KCNH5: variants seen among roughly 807,000 people sequenced by gnomAD.
KCNH5 encodes the protein voltage-gated delayed rectifier potassium channel KCNH5.
A neutral mutation model predicts 96.1 loss-of-function variants in KCNH5; 46 were observed. The observed-to-expected ratio is 0.48, with a 90% CI of 0.38 to 0.61. The LOEUF is 0.61. Ranked by LOEUF, KCNH5 falls within the 20% of genes least tolerant of loss-of-function variation. The probability of loss-of-function intolerance (pLI) is 0.00; values close to 1 mark genes in which losing one functional copy is unlikely to be tolerated. For synonymous variants in KCNH5, 439 were observed against 449.8 expected (o/e 0.98, Z 0.30); for missense variants, 907 against 1,225.8 (o/e 0.74, Z 3.88).
intron 6 of KCNH5, among the ~76,000 whole-genome samples, chr14:62,974,113 T>C (rs1200436191): frequency 1.3e-5 from 2 of 152,236 alleles, no homozygotes; most frequent in South Asian, 4.1e-4. Context: ...AAATTAAAAG[T>C]ATTTATATAC....
intron 10 of KCNH5, among the ~76,000 whole-genome samples, chr14:62,764,387 C>A (rs1372766969): frequency 6.6e-6 from 1 of 152,054 alleles, no homozygotes; most frequent in Non-Finnish European, 1.5e-5. Flanking sequence ...ATAATAAGAG[C>A]CACTTATGAC....
chr14:62,834,101 C>T (rs900245996), intron 8 of KCNH5, among the ~76,000 whole-genome samples: 6 of 152,120 alleles, frequency 3.9e-5, no homozygotes, highest in Non-Finnish European at 7.4e-5. Flanking sequence ...CATTTTCTCT[C>T]GTGGCTTTTA....
chr14:62,831,206 C>T (rs1404766981), intron 8 of KCNH5, among the ~76,000 whole-genome samples: 1 of 152,134 alleles, frequency 6.6e-6, no homozygotes, highest in Non-Finnish European at 1.5e-5. Flanking sequence ...GTGTAATTTC[C>T]TCATGACTCT....
intron 10 of KCNH5, among the ~76,000 whole-genome samples, chr14:62,752,688 C>A (rs956379209): frequency 6.6e-6 from 1 of 152,188 alleles, no homozygotes; most frequent in Non-Finnish European, 1.5e-5. Flanking sequence ...ATGGAGGGAC[C>A]TGGTGGGAGG....
intron 1 of KCNH5, among the ~76,000 whole-genome samples, chr14:63,018,885 A>G (rs1192053416): frequency 6.6e-6 from 1 of 152,078 alleles, no homozygotes; most frequent in African/African-American, 2.4e-5. Context: ...TAGGCAGTAG[A>G]AAAAGAAGTC....
At chr14:62,939,909 C>T (rs890575297) in intron 7 of KCNH5, among the ~76,000 whole-genome samples, 3 of 152,002 alleles carry the variant, frequency 2.0e-5, no homozygotes, top group Non-Finnish European at 1.5e-5. Flanking sequence ...CATTGCACTA[C>T]AGTCTGGGTG....
chr14:62,814,425 C>G (rs528981778), intron 8 of KCNH5, among the ~76,000 whole-genome samples: 1 of 152,136 alleles, frequency 6.6e-6, no homozygotes, highest in African/African-American at 2.4e-5. Flanking sequence ...CTTTTACATA[C>G]CTGTGAAAGT....
At position 62,762,150 on chromosome 14, in the gene KCNH5, T is replaced by C. The variant is rs1885764656; in HGVS notation, c.2019+17578A>G. ...TGAGCAGAGCCCAGAGAGTTTGGCT[T>C]GGGAAAGTCAGAGAATGGCTGGGGA... On this transcript the variant is annotated intron_variant, in intron 10 of 10. Coordinates refer to ENST00000322893, the MANE Select transcript of KCNH5 (RefSeq NM_139318.5). 4.0e-5 allele frequency among the ~76,000 whole-genome samples: 6 copies of C among 151,802 alleles called. No individual in the cohort carries two copies. The South Asian group carries it at 1.2e-3, about 32-fold the overall frequency.
chr14:62,978,244 A>C (rs935897936), intron 6 of KCNH5, among the ~76,000 whole-genome samples: 1 of 152,226 alleles, frequency 6.6e-6, no homozygotes, highest in African/African-American at 2.4e-5. Context: ...CTGTGAGATC[A>C]CCAAATGCTG....
intron 1 of KCNH5, among the ~76,000 whole-genome samples, chr14:63,021,891 C>A (rs1891434871): frequency 6.6e-6 from 1 of 152,124 alleles, no homozygotes; most frequent in Admixed American, 6.5e-5. Context: ...CCATTCTTTA[C>A]CAATAAGTAT....
intron 5 of KCNH5, 140 bp from the exon 6 acceptor site, chr14:62,981,404 T>C: frequency 1.3e-6 from 1 of 798,242 alleles, no homozygotes; most frequent in Non-Finnish European, 2.0e-6. Flanking sequence ...TGTCCTAAAA[T>C]TTGTTCAGAG....
intron 8 of KCNH5, among the ~76,000 whole-genome samples, chr14:62,837,536 A>T (rs1175640654): frequency 6.6e-6 from 1 of 152,218 alleles, no homozygotes; most frequent in African/African-American, 2.4e-5. Context: ...ATTTTATTAC[A>T]TAGTAAATAA....
At chr14:62,752,806 C>G (rs1421540078) in intron 10 of KCNH5, among the ~76,000 whole-genome samples, 1 of 152,192 alleles carries the variant, frequency 6.6e-6, no homozygotes, top group Non-Finnish European at 1.5e-5. Context: ...CTCCCTCTCT[C>G]TCCTGCCACC....
intron 7 of KCNH5, among the ~76,000 whole-genome samples, chr14:62,937,917 C>T (rs1280564907): frequency 6.6e-6 from 1 of 152,078 alleles, no homozygotes; most frequent in Admixed American, 6.6e-5. Context: ...GGGAAACAGA[C>T]CTATGAAGGG....
intron 2 of KCNH5, 61 bp downstream of exon 2, chr14:63,016,770 T>G: frequency 1.3e-6 from 2 of 1,556,106 alleles, no homozygotes; most frequent in Non-Finnish European, 1.7e-6. Context: ...TTAAGCCTTT[T>G]AATTACATTC....
At chr14:62,857,049 T>C (rs1194580463) in intron 7 of KCNH5, among the ~76,000 whole-genome samples, 1 of 152,130 alleles carries the variant, frequency 6.6e-6, no homozygotes, top group African/African-American at 2.4e-5. Context: ...AATTTTAGTA[T>C]AATATTGGAT....
At chr14:62,977,968 T>C (rs1488166438) in intron 6 of KCNH5, among the ~76,000 whole-genome samples, 4 of 152,160 alleles carry the variant, frequency 2.6e-5, no homozygotes, top group Admixed American at 2.6e-4. Flanking sequence ...AGAGCAAAAG[T>C]TGCAGTTATG....
intron 7 of KCNH5, among the ~76,000 whole-genome samples, chr14:62,912,986 A>T (rs1889199849): frequency 1.3e-5 from 2 of 152,228 alleles, no homozygotes; most frequent in Admixed American, 1.3e-4. Context: ...TCTTATCTTA[A>T]ATTGAGAATT....
chr14:62,734,181 T>C (rs2139927579), intron 10 of KCNH5, among the ~76,000 whole-genome samples: 1 of 152,144 alleles, frequency 6.6e-6, no homozygotes. Context: ...CCCCAACATA[T>C]CTGCTTCCAG....
Sources: gnomAD v4.1 joint callset for allele counts (sites outside exome capture counted in the v4.1 genomes callset) on GRCh38, gnomAD v4.1.1 for gene constraint, MANE v1.5 for transcripts, NCBI Gene and HGNC (gene_info 2026-07-23, HGNC 2026-07-21) for gene names.